Variants in LRRN1 observed in about 807,000 individuals in gnomAD.
The protein encoded by LRRN1 is leucine-rich repeat neuronal protein 1.
In LRRN1, 14 loss-of-function variants were observed where a neutral mutation model predicts 45.8. The ratio of observed to expected loss-of-function variants is 0.31; its 90% CI spans 0.20 to 0.48. The LOEUF (loss-of-function observed/expected upper bound fraction) is 0.48, where lower values mean the gene tolerates loss of function less well. Among genes scored for constraint, LRRN1 ranks in the 20% least tolerant of loss-of-function variants. The pLI is 0.99. For missense variants in LRRN1, 789 were observed against 874.2 expected (o/e 0.90, Z 1.23); for synonymous variants, 359 against 330.1 (o/e 1.09, Z -0.95).
intron 1 of LRRN1, among the ~76,000 whole-genome samples, chr3:3,823,889 C>A (rs995367574): frequency 6.6e-6 from 1 of 152,108 alleles, no homozygotes; most frequent in Non-Finnish European, 1.5e-5. Context: ...CTGAACAAAG[C>A]ATCAAATACT....
At chr3:3,803,763 G>A (rs1393177007) in intron 1 of LRRN1, among the ~76,000 whole-genome samples, 1 of 152,186 alleles carries the variant, frequency 6.6e-6, no homozygotes, top group Non-Finnish European at 1.5e-5. Context: ...AACCCTATCT[G>A]TAAAATTCAA....
chr3:3,841,938 T>C (rs565595753), intron 1 of LRRN1, among the ~76,000 whole-genome samples: 2 of 152,310 alleles, frequency 1.3e-5, no homozygotes, highest in South Asian at 4.1e-4. Context: ...CTGAGAAATG[T>C]GTCATTAGGT....
At chr3:3,801,591 C>T (rs1421138938) in intron 1 of LRRN1, among the ~76,000 whole-genome samples, 3 of 152,146 alleles carry the variant, frequency 2.0e-5, no homozygotes, top group African/African-American at 7.2e-5. Context: ...CATCCATTCA[C>T]ATGAAGGAAT....
rs1292147558 is a variant in LRRN1 at position 3,844,638 on chromosome 3, C to T, written c.-4C>T. On this transcript the variant is annotated 5_prime_UTR_variant, in exon 2 of 2. Coordinates refer to ENST00000319331, the MANE Select transcript of LRRN1 (RefSeq NM_020873.7). ...CAGGAGTTGAGCTTGCTCAGCAAGCCAGCATGGCTAGGATGAGCTTTGTTA... is the reference window on the plus strand; with the variant it reads ...CAGGAGTTGAGCTTGCTCAGCAAGCTAGCATGGCTAGGATGAGCTTTGTTA... 1 of 1,603,726 alleles carries T rather than the reference C, an allele frequency of 6.2e-7. No individual in the cohort carries two copies. The highest frequency in any genetic ancestry group is 8.5e-7 in the Non-Finnish European group (1 of 1,173,530).
chr3:3,819,568 A>G (rs979866670), intron 1 of LRRN1, among the ~76,000 whole-genome samples: 8 of 152,072 alleles, frequency 5.3e-5, no homozygotes, highest in Admixed American at 3.3e-4. Flanking sequence ...TCATTGTCAC[A>G]TGGTGTTTTT....
In LRRN1 at chr3:3,846,073, C is replaced by G; in HGVS notation, c.1432C>G (p.Leu478Val). Residue 478 changes from leucine to valine, a missense_variant, in exon 2 of 2, where the codon CTA (leucine) becomes GTA (valine). Coordinates refer to ENST00000319331, the MANE Select transcript of LRRN1 (RefSeq NM_020873.7). The surrounding 1 kb of genome is among the most constrained non-coding windows in gnomAD (Gnocchi z 5.7). ...TVETLSDKYK[L>V]SSEGTLEISN... is the part of the protein sequence containing the mutation. ...GGAAACCCTTTCAGATAAATACAAG[C>G]TAAGTAGCGAAGGTACCTTGGAAAT... The G allele has an allele frequency of 6.2e-7, 1 of 1,614,108 alleles. No homozygotes were observed. Among genetic ancestry groups the G allele is most frequent in the Non-Finnish European group, 8.5e-7 (1 of 1,179,998 alleles).
chr3:3,825,139 TC>T (rs67451184), intron 1 of LRRN1, among the ~76,000 whole-genome samples: 4,625 of 152,316 alleles, frequency 0.03, 102 homozygotes, highest in Middle Eastern at 0.054. Flanking sequence ...TTTTCATTTT[TC>T]TTTTGCTTTT....
At position 3,845,962 on chromosome 3, in the gene LRRN1, A is replaced by C. The variant is rs1559314579; in HGVS notation, c.1321A>C (p.Thr441Pro). 1 of 1,614,002 alleles carries C rather than the reference A, an allele frequency of 6.2e-7. No individual in the cohort carries two copies. Among genetic ancestry groups the C allele is most frequent in the Admixed American group, 1.7e-5 (1 of 59,998 alleles). Residue 441 changes from threonine (T) to proline (P), a missense_variant, in exon 2 of 2, where the codon ACG becomes CCG. Thr to Pro is a conservative substitution (Grantham distance 38, BLOSUM62 -1). Transcript: ENST00000319331. This position sits in a 1 kb window ranked among gnomAD's most constrained non-coding sequence, Gnocchi z 6.5. ...AAATCGTTTAAACGTGGATATCGGC[A>C]CGACGGTTTTCCTAGACTGTCGAGC... ...FPNRLNVDIG[T>P]TVFLDCRAMA...
chr3:3,825,749 G>C (rs911764311), intron 1 of LRRN1, among the ~76,000 whole-genome samples: 2 of 152,098 alleles, frequency 1.3e-5, no homozygotes, highest in African/African-American at 4.8e-5. Context: ...AGTGTAAAAT[G>C]AATTTTTGGA....
Position 3,845,975 on chromosome 3 carries a change from T to A in LRRN1, c.1334T>A (p.Leu445Gln), listed in dbSNP as rs534884879. 1 of 1,614,080 alleles carries A rather than the reference T, an allele frequency of 6.2e-7. No homozygotes were observed. The highest frequency in any genetic ancestry group is 1.6e-4 in the Middle Eastern group (1 of 6,062). ...GTGGATATCGGCACGACGGTTTTCC[T>A]AGACTGTCGAGCCATGGCTGAGCCA... ...LNVDIGTTVF[L>Q]DCRAMAEPEP... The change falls in exon 2 of 2, where the codon CTA becomes CAA. Residue 445 changes from leucine (L) to glutamine (Q), a missense_variant. Transcript: ENST00000319331. The surrounding 1 kb of genome is among the most constrained non-coding windows in gnomAD (Gnocchi z 6.5).
chr3:3,830,865 C>T (rs1197056189), intron 1 of LRRN1, among the ~76,000 whole-genome samples: 1 of 152,142 alleles, frequency 6.6e-6, no homozygotes, highest in Non-Finnish European at 1.5e-5. Context: ...GTTCAGTTTC[C>T]ACCAAAGCCT....
At chr3:3,810,891 C>CTTTGAA (rs1692858111) in intron 1 of LRRN1, among the ~76,000 whole-genome samples, 1 of 152,122 alleles carries the variant, frequency 6.6e-6, no homozygotes. Context: ...ATACCATTAA[C>CTTTGAA]TTGATTTTCT....
intron 1 of LRRN1, among the ~76,000 whole-genome samples, chr3:3,824,468 G>T (rs1302369208): frequency 6.6e-6 from 1 of 151,994 alleles, no homozygotes. Context: ...ATACAGCACA[G>T]ATCAACATTA....
rs1276769552 is a variant in LRRN1, at chr3:3,816,522, A to G, written c.-279+16603A>G. Among the ~76,000 whole-genome samples, 3 of 152,186 alleles carry G rather than the reference A, an allele frequency of 2.0e-5. No homozygotes were observed. Among genetic ancestry groups the G allele is most frequent in the Non-Finnish European group, 4.4e-5 (3 of 68,024 alleles). On this transcript the variant is annotated intron_variant, in intron 1 of 1. Transcript: ENST00000319331. This position sits in a 1 kb window ranked among gnomAD's most constrained non-coding sequence, Gnocchi z 4.0. ...AAGATTGGAAGAAAATAATTTAACC[A>G]GGGCTTTCAATTAAGAAAAAAAAAT...
intron 1 of LRRN1, among the ~76,000 whole-genome samples, chr3:3,828,363 GTC>G (rs760886254): frequency 6.6e-6 from 1 of 151,926 alleles, no homozygotes; most frequent in East Asian, 1.9e-4. Context: ...GGCTAGACCC[GTC>G]TCTCTTTTTC....
intron 1 of LRRN1, among the ~76,000 whole-genome samples, chr3:3,830,908 G>T (rs891306454): frequency 2.0e-5 from 3 of 152,184 alleles, no homozygotes; most frequent in South Asian, 4.1e-4. Context: ...CTCAAAAGGA[G>T]AGTAGTTATC....
At chr3:3,830,407 C>G (rs1000865590) in intron 1 of LRRN1, among the ~76,000 whole-genome samples, 5 of 152,232 alleles carry the variant, frequency 3.3e-5, no homozygotes, top group African/African-American at 1.2e-4. Flanking sequence ...ATCCAAAGTG[C>G]ACAACCAGGT....
intron 1 of LRRN1, among the ~76,000 whole-genome samples, chr3:3,814,341 C>T (rs1300023315): frequency 2.0e-5 from 3 of 151,412 alleles, no homozygotes; most frequent in Admixed American, 6.6e-5. Context: ...CAGTTCCACC[C>T]AGTACCCCTT....
chr3:3,805,848 C>T (rs1692740494), intron 1 of LRRN1, among the ~76,000 whole-genome samples: 1 of 152,146 alleles, frequency 6.6e-6, no homozygotes, highest in Non-Finnish European at 1.5e-5. Flanking sequence ...ATATTGAGCA[C>T]CTGCTGTATG....
Sources: allele counts gnomAD v4.1 joint callset (sites outside exome capture counted in the v4.1 genomes callset), GRCh38; gene constraint gnomAD v4.1.1; non-coding constraint Gnocchi (gnomAD v3.1); transcripts MANE v1.5; gene names NCBI Gene and HGNC (gene_info 2026-07-23, HGNC 2026-07-21).